The following EMCN variants were observed in gnomAD, a reference collection of about 807,000 sequenced individuals.
The protein encoded by EMCN is MUC-14.
A neutral mutation model predicts 38.4 loss-of-function variants in EMCN; 37 were observed. The ratio of observed to expected loss-of-function variants is 0.96; its 90% CI spans 0.74 to 1.27. EMCN has a LOEUF of 1.27. Ranked by LOEUF, EMCN falls within the 50% of genes most tolerant of loss-of-function variation. EMCN has a pLI of 0.00. For synonymous variants in EMCN, 95 were observed against 100.8 expected (o/e 0.94, Z 0.35); for missense variants, 318 against 302.8 (o/e 1.05, Z -0.37).
intron 10 of EMCN, among the ~76,000 whole-genome samples, chr4:100,415,260 A>C (rs570354769): frequency 6.6e-6 from 1 of 152,222 alleles, no homozygotes; most frequent in East Asian, 1.9e-4. Context: ...CAATGGTTTA[A>C]ATGTCTAATC....
At chr4:100,475,335 A>ACACACT (rs1553930950) in intron 2 of EMCN, among the ~76,000 whole-genome samples, 4 of 150,548 alleles carry the variant, frequency 2.7e-5, no homozygotes, top group African/African-American at 9.8e-5. Flanking sequence ...ACACACACAC[A>ACACACT]TTTTTCATAA....
chr4:100,411,879 G>T (rs1270960984), intron 10 of EMCN, among the ~76,000 whole-genome samples: 1 of 152,092 alleles, frequency 6.6e-6, no homozygotes, highest in Non-Finnish European at 1.5e-5. Flanking sequence ...ATATTGACGG[G>T]CTGCGGACAG....
intron 3 of EMCN, among the ~76,000 whole-genome samples, chr4:100,468,236 C>A (rs1728377829): frequency 6.6e-6 from 1 of 152,136 alleles, no homozygotes; most frequent in Non-Finnish European, 1.5e-5. Flanking sequence ...TAGGTGAAAA[C>A]CACTGCATAG....
chr4:100,423,941 GTTTTATTATGTGCCTT>G (rs911486693), intron 5 of EMCN, among the ~76,000 whole-genome samples: 7 of 151,832 alleles, frequency 4.6e-5, no homozygotes, highest in Admixed American at 1.3e-4. Context: ...TCAGCAGCTG[GTTTTATTATGTGCCTT>G]TTCTAGAGTA....
intron 5 of EMCN, among the ~76,000 whole-genome samples, chr4:100,428,372 A>G (rs1727109762): frequency 6.6e-6 from 1 of 151,958 alleles, no homozygotes; most frequent in Non-Finnish European, 1.5e-5. Context: ...CACTTTTTTC[A>G]ATCTTGCAAA....
intron 1 of EMCN, among the ~76,000 whole-genome samples, chr4:100,495,818 G>A (rs1324946425): frequency 6.6e-6 from 1 of 151,782 alleles, no homozygotes; most frequent in Non-Finnish European, 1.5e-5. Context: ...TTGATTTTAG[G>A]CCCTCAATAA....
At chr4:100,480,705 T>C (rs1728784136) in intron 1 of EMCN, among the ~76,000 whole-genome samples, 1 of 151,850 alleles carries the variant, frequency 6.6e-6, no homozygotes, top group African/African-American at 2.4e-5. Context: ...TAATTGTTTA[T>C]TTCTCTAAAT....
chr4:100,456,445 C>A (rs1375847629), intron 4 of EMCN, among the ~76,000 whole-genome samples: 3 of 152,010 alleles, frequency 2.0e-5, no homozygotes, highest in Non-Finnish European at 4.4e-5. Flanking sequence ...CTTTTTCCTG[C>A]CTGATATATG....
intron 2 of EMCN, among the ~76,000 whole-genome samples, chr4:100,475,400 T>C (rs1728608898): frequency 6.6e-6 from 1 of 151,696 alleles, no homozygotes; most frequent in African/African-American, 2.4e-5. Context: ...TCTTTAAACA[T>C]GCAAAAAATT....
At chr4:100,429,544 C>CA (rs553820983) in intron 5 of EMCN, among the ~76,000 whole-genome samples, 1 of 151,806 alleles carries the variant, frequency 6.6e-6, no homozygotes, top group Non-Finnish European at 1.5e-5. Context: ...TATAGCAATG[C>CA]AAAAAAAGCC....
intron 5 of EMCN, among the ~76,000 whole-genome samples, chr4:100,426,305 C>A (rs567927671): frequency 6.6e-6 from 1 of 152,218 alleles, no homozygotes; most frequent in Admixed American, 6.5e-5. Flanking sequence ...CTGCTCCCAG[C>A]CAATGAGTGG....
At chr4:100,477,788 G>A (rs911473530) in intron 2 of EMCN, among the ~76,000 whole-genome samples, 3 of 138,932 alleles carry the variant, frequency 2.2e-5, no homozygotes, top group African/African-American at 5.7e-5. Context: ...CTTCACTACA[G>A]ATACCTTTTT....
chr4:100,411,906 T>A (rs1726571295), intron 10 of EMCN, among the ~76,000 whole-genome samples: 1 of 152,172 alleles, frequency 6.6e-6, no homozygotes, highest in African/African-American at 2.4e-5. Flanking sequence ...ATTCTATATA[T>A]GGCTTTATAA....
chr4:100,409,833 G>A (rs939174758), intron 11 of EMCN, among the ~76,000 whole-genome samples: 3 of 152,146 alleles, frequency 2.0e-5, no homozygotes, highest in Non-Finnish European at 2.9e-5. Flanking sequence ...GCCAGCCTAC[G>A]GCTGTGATAC....
At chr4:100,399,287 T>G (rs189528785) in intron 11 of EMCN, among the ~76,000 whole-genome samples, 8 of 152,060 alleles carry the variant, frequency 5.3e-5, no homozygotes, top group Non-Finnish European at 8.8e-5. Context: ...TTAGGTGGTG[T>G]TGTGTTGCTG....
intron 3 of EMCN, among the ~76,000 whole-genome samples, chr4:100,470,751 G>GA (rs1327308464): frequency 6.6e-6 from 1 of 152,000 alleles, no homozygotes; most frequent in Admixed American, 6.6e-5. Flanking sequence ...GATGAAGCTG[G>GA]AGGACATTAT....
At chr4:100,485,294 T>G (rs1341077421) in intron 1 of EMCN, among the ~76,000 whole-genome samples, 1 of 152,154 alleles carries the variant, frequency 6.6e-6, no homozygotes, top group Non-Finnish European at 1.5e-5. Context: ...TGTTTTACAA[T>G]TTTTTGAAAA....
chr4:100,419,981 A>AAT (rs1726843458), intron 8 of EMCN, among the ~76,000 whole-genome samples: 1 of 152,096 alleles, frequency 6.6e-6, no homozygotes, highest in African/African-American at 2.4e-5. Context: ...GTAAACAAAG[A>AAT]ATAATGCAGC....
chr4:100,470,263 T>C (rs551837172), intron 3 of EMCN, among the ~76,000 whole-genome samples: 43 of 151,898 alleles, frequency 2.8e-4, no homozygotes, highest in African/African-American at 1.0e-3. Context: ...AAGACATACA[T>C]GTAGCCAACA....
Sources: gnomAD v4.1 joint callset for allele counts (sites outside exome capture counted in the v4.1 genomes callset) on GRCh38, gnomAD v4.1.1 for gene constraint, MANE v1.5 for transcripts, NCBI Gene and HGNC (gene_info 2026-07-23, HGNC 2026-07-21) for gene names.